Variants in MKKS observed in about 807,000 individuals in gnomAD.
MKKS encodes the protein molecular chaperone MKKS.
MKKS carries 29 observed loss-of-function variants against 33.2 expected under a neutral mutation model. That is an observed-to-expected ratio of 0.87 (90% CI 0.65 to 1.19). The LOEUF is 1.19. Ranked by LOEUF, MKKS falls within the 50% of genes most tolerant of loss-of-function variation. The probability of loss-of-function intolerance (pLI) is 0.00; values close to 1 mark genes in which losing one functional copy is unlikely to be tolerated. For missense variants in MKKS, 661 were observed against 662.3 expected, an observed-to-expected ratio of 1.00 and a Z score of 0.02; for synonymous variants, 260 against 244.0, an observed-to-expected ratio of 1.07 and a Z score of -0.61.
intron 1 of MKKS, among the ~76,000 whole-genome samples, chr20:10,432,789 C>CAAAAAAA (rs71184200): frequency 0.023 from 1,683 of 74,540 alleles, 212 homozygotes; most frequent in Non-Finnish European, 0.035. Context: ...GACTCTTTGT[C>CAAAAAAA]AAAAAAAAAA....
intron 1 of MKKS, among the ~76,000 whole-genome samples, chr20:10,426,725 A>T (rs756232277): frequency 6.6e-6 from 1 of 152,186 alleles, no homozygotes; most frequent in Non-Finnish European, 1.5e-5. Context: ...TTTTCATGTC[A>T]GGTATATAAA....
intron 1 of MKKS, among the ~76,000 whole-genome samples, chr20:10,430,441 T>C (rs1170866316): frequency 6.6e-6 from 1 of 152,176 alleles, no homozygotes; most frequent in Non-Finnish European, 1.5e-5. Flanking sequence ...GCTCAGTAAT[T>C]GTTAGCTATT....
At chr20:10,406,315 C>T (rs2064844081) in intron 5 of MKKS, among the ~76,000 whole-genome samples, 1 of 152,184 alleles carries the variant, frequency 6.6e-6, no homozygotes, top group African/African-American at 2.4e-5. Context: ...CCATGCACCA[C>T]ATACCAACAC....
At chr20:10,420,414 A>T (rs1448514636) in intron 2 of MKKS, 114 bp downstream of exon 2, 2 of 152,206 alleles carry the variant, frequency 1.3e-5, no homozygotes, top group African/African-American at 4.8e-5. Context: ...GTCACAATAA[A>T]AACAACAGGT....
chr20:10,417,556 A>G (rs928887134), intron 2 of MKKS, among the ~76,000 whole-genome samples: 5 of 152,196 alleles, frequency 3.3e-5, no homozygotes, highest in Non-Finnish European at 2.9e-5. Flanking sequence ...GGCTGCAGTG[A>G]GCTATGATAT....
Position 10,413,018 on chromosome 20 carries a change from A to G in MKKS, c.497T>C (p.Leu166Pro), listed in dbSNP as rs773598535. Residue 166 changes from leucine to proline, a missense_variant, in exon 3 of 6, where the codon CTC becomes CCC. Coordinates refer to ENST00000347364, the MANE Select transcript of MKKS (RefSeq NM_170784.3). Reference sequence around the variant, plus strand: ...GACATGCTCTGTTTCCTTTCTGGTGAGCATACAGGCAGGTTTACTTGTTAA... The same window carrying G: ...GACATGCTCTGTTTCCTTTCTGGTGGGCATACAGGCAGGTTTACTTGTTAA... ...SILTSKPACM[L>P]TRKETEHVSA... The G allele has an allele frequency of 6.2e-7, 1 of 1,614,038 alleles. No homozygotes were observed. The highest frequency in any genetic ancestry group is 8.5e-7 in the Non-Finnish European group (1 of 1,180,034).
At chr20:10,426,519 C>A (rs929325909) in intron 1 of MKKS, among the ~76,000 whole-genome samples, 3 of 152,220 alleles carry the variant, frequency 2.0e-5, no homozygotes, top group African/African-American at 7.2e-5. Flanking sequence ...CGTACCTCAG[C>A]CTCCCAGGTA....
Position 10,405,384 on chromosome 20 carries a change from G to T in MKKS, c.1576C>A (p.Leu526Ile), listed in dbSNP as rs1239900206. The change falls in exon 6 of 6, where the codon CTT (leucine) becomes ATT (isoleucine). Residue 526 changes from leucine to isoleucine, a missense_variant. Leu to Ile is a conservative substitution (Grantham distance 5, BLOSUM62 2). Coordinates refer to ENST00000347364, the MANE Select transcript of MKKS (RefSeq NM_170784.3). ...TRRPFVPQSC[L>I]PHEAVGSASN... ...GCTGAGCCCACAGCTTCATGTGGAA[G>T]GCAGCTTTGTGGCACAAATGGACGA... 3.1e-6 allele frequency: 5 copies of T among 1,614,088 alleles called. No homozygotes were observed. In the African/African-American group the frequency reaches 6.7e-5, roughly 22 times the overall value.
intron 2 of MKKS, among the ~76,000 whole-genome samples, chr20:10,417,501 C>T (rs2064947958): frequency 6.6e-6 from 1 of 152,124 alleles, no homozygotes; most frequent in Non-Finnish European, 1.5e-5. Context: ...GTCCCAGCTA[C>T]TTGGGATGCT....
Position 10,413,542 on chromosome 20 carries a change from C to T in MKKS, c.-28G>A. ...TACTTCAGGTGGTAACTAGTGAAGACCGTTTTTATTTTGTAAACCACATTT... is the reference window on the plus strand; with the variant it reads ...TACTTCAGGTGGTAACTAGTGAAGATCGTTTTTATTTTGTAAACCACATTT... On this transcript the variant is annotated 5_prime_UTR_variant, in exon 3 of 6. Coordinates refer to ENST00000347364, the MANE Select transcript of MKKS (RefSeq NM_170784.3). The T allele has an allele frequency of 6.2e-7, 1 of 1,613,320 alleles. No homozygotes were observed. Among genetic ancestry groups the T allele is most frequent in the Non-Finnish European group, 8.5e-7 (1 of 1,179,556 alleles).
In MKKS at chr20:10,405,000, C is replaced by G; in HGVS notation, c.*247G>C. The G allele has an allele frequency of 3.2e-6, 1 of 313,598 alleles. No individual in the cohort carries two copies. Among genetic ancestry groups the G allele is most frequent in the Non-Finnish European group, 5.9e-6 (1 of 170,908 alleles). The allele number at this position is 313,598 out of a possible 1,614,324, so 19.4% of individuals were successfully genotyped here. On this transcript the variant is annotated 3_prime_UTR_variant, in exon 6 of 6. Coordinates refer to ENST00000347364, the MANE Select transcript of MKKS (RefSeq NM_170784.3). ...AAAAATTTAGAACAATGTACAGCAG[C>G]CAGTATAGAATCCCTAAGATAACTA...
chr20:10,405,791 C>T (rs764439498), intron 5 of MKKS, 104 bp from the exon 6 acceptor site: 16 of 1,132,128 alleles, frequency 1.4e-5, no homozygotes, highest in Non-Finnish European at 1.8e-5. Context: ...AAAGTAATTA[C>T]TTACTTTCAT....
intron 1 of MKKS, 136 bp downstream of exon 1, chr20:10,433,972 T>C (rs1008814519): frequency 2.6e-5 from 4 of 152,260 alleles, no homozygotes; most frequent in African/African-American, 9.7e-5. Flanking sequence ...CTCCTCCTTG[T>C]CCCCGCCCTC....
Position 10,413,293 on chromosome 20 carries a change from T to C in MKKS, c.222A>G (p.Leu74=), listed in dbSNP as rs1416707432. 2 of 1,614,202 alleles carry C rather than the reference T, an allele frequency of 1.2e-6. No homozygotes were observed. Among genetic ancestry groups the C allele is most frequent in the South Asian group, 1.1e-5 (1 of 91,082 alleles). Reference sequence around the variant, plus strand: ...TCTGTATGGAGGCTGTCAGGATCTTTAAAATGGGATGTGTGACCAAAAGGT... The same window carrying C: ...TCTGTATGGAGGCTGTCAGGATCTTCAAAATGGGATGTGTGACCAAAAGGT... ...LSHLLVTHPI[L]KILTASIQNH... is the part of the protein sequence containing the mutation. The change falls in exon 3 of 6, where the codon TTA becomes TTG. Residue 74 remains leucine, a synonymous_variant. Coordinates refer to ENST00000347364, the MANE Select transcript of MKKS (RefSeq NM_170784.3).
At chr20:10,407,325 G>A (rs980040573) in intron 5 of MKKS, among the ~76,000 whole-genome samples, 16 of 152,154 alleles carry the variant, frequency 1.1e-4, no homozygotes, top group Admixed American at 9.8e-4. Context: ...CTCAAAGAAC[G>A]TGATCGCTTG....
chr20:10,410,492 G>A lies in MKKS; in HGVS notation c.986-1689C>T, dbSNP rs538548250. Reference sequence around the variant, plus strand: ...TAAAAATACAAAAAACTAGCCAGGCGTGGTGGCGTGTGCCTGTAGTTCCAG... The same window carrying A: ...TAAAAATACAAAAAACTAGCCAGGCATGGTGGCGTGTGCCTGTAGTTCCAG... On this transcript the variant is annotated intron_variant, in intron 3 of 5. Coordinates refer to ENST00000347364, the MANE Select transcript of MKKS (RefSeq NM_170784.3). Among the ~76,000 whole-genome samples, 21 of 152,228 alleles carry A rather than the reference G, an allele frequency of 1.4e-4. No homozygotes were observed. The South Asian group carries it at 1.5e-3, about 11-fold the overall frequency.
Position 10,405,417 on chromosome 20 carries a change from T to G in MKKS, c.1543A>C (p.Ser515Arg). 6.2e-7 allele frequency: 1 copy of G among 1,614,224 alleles called. No homozygotes were observed. Among genetic ancestry groups the G allele is most frequent in the South Asian group, 1.1e-5 (1 of 91,092 alleles). Reference protein sequence around the residue: ...QEELNWSFLRSTRRPFVPQSC... With the variant: ...QEELNWSFLRRTRRPFVPQSC... Reference sequence around the variant, plus strand: ...TGTGGCACAAATGGACGACGTGTGCTTCTTAAGAAAGACCAGTTGAGTTCT... The same window carrying G: ...TGTGGCACAAATGGACGACGTGTGCGTCTTAAGAAAGACCAGTTGAGTTCT... The change falls in exon 6 of 6, where the codon AGC (serine) becomes CGC (arginine). Residue 515 changes from serine to arginine, a missense_variant. By Grantham distance (110) the Ser-to-Arg change is moderately radical (BLOSUM62 -1). Coordinates refer to ENST00000347364, the MANE Select transcript of MKKS (RefSeq NM_170784.3).
At chr20:10,428,500 C>G (rs906578070) in intron 1 of MKKS, among the ~76,000 whole-genome samples, 1 of 152,162 alleles carries the variant, frequency 6.6e-6, no homozygotes, top group Non-Finnish European at 1.5e-5. Flanking sequence ...TAGGTATGAA[C>G]ACCTCTAACT....
intron 3 of MKKS, among the ~76,000 whole-genome samples, chr20:10,409,281 G>A (rs890821860): frequency 2.6e-5 from 4 of 152,076 alleles, no homozygotes; most frequent in Non-Finnish European, 4.4e-5. Flanking sequence ...CCTTCGGGAC[G>A]CTACATAGTG....
Sources: gnomAD v4.1 joint callset for allele counts (sites outside exome capture counted in the v4.1 genomes callset) on GRCh38, gnomAD v4.1.1 for gene constraint, MANE v1.5 for transcripts, NCBI Gene and HGNC (gene_info 2026-07-23, HGNC 2026-07-21) for gene names.